BCL11A: variants seen among roughly 807,000 people sequenced by gnomAD.
BCL11A encodes B cell CLL/lymphoma 11A.
A neutral mutation model predicts 55.9 loss-of-function variants in BCL11A; 2 were observed. The observed-to-expected ratio is 0.04, with a 90% confidence interval of 0.01 to 0.11. The LOEUF (loss-of-function observed/expected upper bound fraction) is 0.11. Ranked by LOEUF, BCL11A falls within the 10% of genes least tolerant of loss-of-function variation. The pLI is 1.00. For synonymous variants in BCL11A, 465 were observed against 473.4 expected, an observed-to-expected ratio of 0.98 and a Z score of 0.23; for missense variants, 817 against 1,137.1, an observed-to-expected ratio of 0.72 and a Z score of 4.05.
At chr2:60,498,477 C>G (rs1025938996) in intron 2 of BCL11A, among the ~76,000 whole-genome samples, 1 of 152,204 alleles carries the variant, frequency 6.6e-6, no homozygotes, top group African/African-American at 2.4e-5. Flanking sequence ...CTCACAGCCT[C>G]CAAGCATTGC....
intron 3 of BCL11A, among the ~76,000 whole-genome samples, chr2:60,467,934 T>C (rs1676926474): frequency 7.6e-6 from 1 of 131,742 alleles, no homozygotes; most frequent in Non-Finnish European, 1.7e-5. Context: ...GTGGTAGTGA[T>C]GGTGGTGGTG....
rs60179237 is a variant in BCL11A, at chr2:60,518,337, G to A, written c.385+27634C>T. 1.9e-3 allele frequency among the ~76,000 whole-genome samples: 283 copies of A among 152,220 alleles called. 1 individual carries two copies. Among genetic ancestry groups the A allele is most frequent in the African/African-American group, 6.5e-3 (270 of 41,506 alleles). ...GGATTAGACCTACCGTTCCATACCA[G>A]TGTGTTACAGCCTGTCATGAAGCAG... On this transcript the variant is annotated intron_variant, in intron 2 of 3. Coordinates refer to ENST00000642384, the MANE Select transcript of BCL11A (RefSeq NM_022893.4).
At position 60,462,348 on chromosome 2, in the gene BCL11A, G is replaced by A. The variant is rs201796557; in HGVS notation, c.564C>T (p.His188=). The change falls in exon 4 of 4, where the codon CAC becomes CAT. Residue 188 remains histidine, a synonymous_variant. Transcript: ENST00000642384. ...TTCTTAATCCATGAGTGTTCTGTGC[G>A]TGTTGCAAGAGAAACCATGCACTGG... is the stretch of plus-strand genomic sequence containing the variant. ...PFTSAWFLLQ[H]AQNTHGLRIY... is the part of the protein sequence containing the mutation. 173 of 1,614,056 alleles carry A rather than the reference G, an allele frequency of 1.1e-4. No individual in the cohort carries two copies. Among genetic ancestry groups the A allele is most frequent in the Middle Eastern group, 6.6e-4 (4 of 6,062 alleles).
chr2:60,545,779 G>T (rs1670121785), intron 2 of BCL11A, 192 bp downstream of exon 2: 1 of 593,196 alleles, frequency 1.7e-6, no homozygotes, highest in East Asian at 2.8e-5. Flanking sequence ...ATTCAGTGAG[G>T]TGGAAAATAT....
At chr2:60,507,082 T>A (rs1334875656) in intron 2 of BCL11A, among the ~76,000 whole-genome samples, 2 of 152,042 alleles carry the variant, frequency 1.3e-5, no homozygotes, top group Non-Finnish European at 2.9e-5. Flanking sequence ...ATTTTTGTTC[T>A]GAAATACTGT....
In BCL11A at chr2:60,460,108, C is replaced by T. The variant is rs897410090; in HGVS notation, c.*296G>A. On this transcript the variant is annotated 3_prime_UTR_variant, in exon 4 of 4. Coordinates refer to ENST00000642384, the MANE Select transcript of BCL11A (RefSeq NM_022893.4). Reference sequence around the variant, plus strand: ...GCACAAGAGAAAGGCTCAAAGTTTGCGTAAAATGCAATAGTATTGCCCCAT... The same window carrying T: ...GCACAAGAGAAAGGCTCAAAGTTTGTGTAAAATGCAATAGTATTGCCCCAT... 153 of 1,121,216 alleles carry T rather than the reference C, an allele frequency of 1.4e-4. No individual in the cohort carries two copies. The highest frequency in any genetic ancestry group is 1.4e-4 in the Non-Finnish European group (130 of 922,138). The allele number at this position is 1,121,216 out of a possible 1,614,324, so 69.5% of individuals were successfully genotyped here. A position where few individuals can be genotyped will look rare whatever the true frequency, so the allele number is the denominator to read the frequency against.
downstream of BCL11A, chr2:60,457,116 G>T (rs1011762594): frequency 5.2e-6 from 2 of 381,982 alleles, no homozygotes; most frequent in Non-Finnish European, 7.2e-6. Context: ...AGACTGACTG[G>T]CCTTCTCTTA....
At chr2:60,454,624 A>G (rs1675863700), downstream of BCL11A, among the ~76,000 whole-genome samples, 1 of 152,102 alleles carries the variant, frequency 6.6e-6, no homozygotes, top group African/African-American at 2.4e-5. Flanking sequence ...ACAAGAAAAC[A>G]CTGTATTTCC....
chr2:60,553,097 T>G, intron 1 of BCL11A, 119 bp downstream of exon 1: 2 of 1,089,484 alleles, frequency 1.8e-6, no homozygotes, highest in Non-Finnish European at 2.6e-6. Context: ...TCGGAGGTTT[T>G]TCTCGTGAAA....
chr2:60,507,088 A>G (rs1052909622), intron 2 of BCL11A, among the ~76,000 whole-genome samples: 3 of 152,046 alleles, frequency 2.0e-5, no homozygotes, highest in Non-Finnish European at 4.4e-5. Flanking sequence ...GTTCTGAAAT[A>G]CTGTCTTTGA....
chr2:60,543,864 G>A (rs973601127), intron 2 of BCL11A: 1 of 152,080 alleles, frequency 6.6e-6, no homozygotes, highest in Non-Finnish European at 1.5e-5. Flanking sequence ...GATTATTAGC[G>A]CTATAAAATA....
chr2:60,551,097 A>T (rs55641323), intron 1 of BCL11A, among the ~76,000 whole-genome samples: 27 of 152,194 alleles, frequency 1.8e-4, no homozygotes, highest in Admixed American at 5.2e-4. Context: ...ACCCCTTTAA[A>T]AAAACACAGA....
chr2:60,457,114 T>G (rs1675977164), downstream of BCL11A: 1 of 366,680 alleles, frequency 2.7e-6, no homozygotes, highest in East Asian at 1.4e-4. Context: ...AAAGACTGAC[T>G]GGCCTTCTCT....
At position 60,461,465 on chromosome 2, in the gene BCL11A, C is replaced by T. The variant is rs761062372; in HGVS notation, c.1447G>A (p.Gly483Arg). 1.9e-6 allele frequency: 3 copies of T among 1,604,368 alleles called. No homozygotes were observed. Among genetic ancestry groups the T allele is most frequent in the African/African-American group, 1.3e-5 (1 of 74,928 alleles). ...TCGTCCTCCTCTTCCTCCTCGTCCCCGTTCTCCGGGATCAGGTTGGGGTCG... is the reference window on the plus strand; with the variant it reads ...TCGTCCTCCTCTTCCTCCTCGTCCCTGTTCTCCGGGATCAGGTTGGGGTCG... ...ENDPNLIPEN[G>R]DEEEEEDDEE... Residue 483 changes from glycine (G) to arginine (R), a missense_variant, in exon 4 of 4, where the codon GGG (glycine) becomes AGG (arginine). Physicochemically the swap from Gly to Arg is moderately radical, Grantham distance 125. Coordinates refer to ENST00000642384, the MANE Select transcript of BCL11A (RefSeq NM_022893.4).
intron 1 of BCL11A, among the ~76,000 whole-genome samples, chr2:60,548,282 A>C (rs1376919307): frequency 6.6e-6 from 1 of 151,852 alleles, no homozygotes; most frequent in Non-Finnish European, 1.5e-5. Context: ...TTACTAGTAC[A>C]TAGAACCTTT....
At chr2:60,472,341 T>A (rs886874748) in intron 2 of BCL11A, among the ~76,000 whole-genome samples, 1 of 152,226 alleles carries the variant, frequency 6.6e-6, no homozygotes, top group Admixed American at 6.5e-5. Flanking sequence ...TTTCCCTTTC[T>A]GGTCTCTCAA....
chr2:60,468,634 G>GA, intron 3 of BCL11A, 98 bp downstream of exon 3: 1 of 843,712 alleles, frequency 1.2e-6, no homozygotes, highest in Non-Finnish European at 1.9e-6. Flanking sequence ...ATCTATTTTG[G>GA]AAGTAACTCC....
At chr2:60,453,083 C>T (rs1346451902), downstream of BCL11A, 1 of 153,166 alleles carries the variant, frequency 6.5e-6, no homozygotes, top group South Asian at 2.0e-4. Flanking sequence ...TATAAAGAAA[C>T]AAAAAATCAA....
At chr2:60,491,625 C>G (rs1264078873) in intron 2 of BCL11A, among the ~76,000 whole-genome samples, 1 of 151,408 alleles carries the variant, frequency 6.6e-6, no homozygotes, top group Admixed American at 6.6e-5. Flanking sequence ...GAGCCGAGAT[C>G]GCGCCATTGC....
Sources: allele counts gnomAD v4.1 joint callset (sites outside exome capture counted in the v4.1 genomes callset), GRCh38; gene constraint gnomAD v4.1.1; transcripts MANE v1.5; gene names NCBI Gene and HGNC (gene_info 2026-07-23, HGNC 2026-07-21).